Variants in COX10 observed in about 807,000 individuals in gnomAD.
COX10 encodes cytochrome c oxidase assembly factor heme A:farnesyltransferase COX10, also known as protoheme IX farnesyltransferase, mitochondrial.
COX10 carries 27 observed loss-of-function variants against 37.3 expected under a neutral mutation model. The ratio of observed to expected loss-of-function variants is 0.72; its 90% confidence interval spans 0.53 to 1.00. The LOEUF (loss-of-function observed/expected upper bound fraction) is 1.00. Ranked by LOEUF, COX10 falls within the 50% of genes least tolerant of loss-of-function variation. The pLI is 0.00. For synonymous variants in COX10, 222 were observed against 229.1 expected (o/e 0.97, Z 0.28); for missense variants, 475 against 563.2 (o/e 0.84, Z 1.59).
chr17:14,200,139 A>G (rs1906503485), intron 6 of COX10, among the ~76,000 whole-genome samples: 1 of 152,196 alleles, frequency 6.6e-6, no homozygotes, highest in African/African-American at 2.4e-5. Flanking sequence ...AGAGAAAACA[A>G]GCCGAAACCG....
chr17:14,202,769 G>A (rs1357218243), intron 6 of COX10, among the ~76,000 whole-genome samples: 1 of 128,268 alleles, frequency 7.8e-6, no homozygotes, highest in Admixed American at 8.8e-5. Context: ...GTTCCCCCCT[G>A]CGCTGGGGGA....
intron 5 of COX10, among the ~76,000 whole-genome samples, chr17:14,168,178 C>A (rs1378041838): frequency 6.6e-6 from 1 of 152,214 alleles, no homozygotes; most frequent in Non-Finnish European, 1.5e-5. Flanking sequence ...TGTCCGAAAC[C>A]CAAAAGGGCC....
At chr17:14,078,230 G>C (rs1915200456) in intron 3 of COX10, among the ~76,000 whole-genome samples, 1 of 152,062 alleles carries the variant, frequency 6.6e-6, no homozygotes. Flanking sequence ...TTACACAAGT[G>C]GCCTGAGTGT....
intron 3 of COX10, among the ~76,000 whole-genome samples, chr17:14,096,699 T>C (rs1915662530): frequency 6.6e-6 from 1 of 152,166 alleles, no homozygotes; most frequent in South Asian, 2.1e-4. Context: ...TTTTGTTTTG[T>C]TTTTTAAATT....
At chr17:14,099,548 C>G (rs1356073045) in intron 3 of COX10, among the ~76,000 whole-genome samples, 2 of 152,088 alleles carry the variant, frequency 1.3e-5, no homozygotes, top group Non-Finnish European at 2.9e-5. Flanking sequence ...GTTCTGCTTG[C>G]TGTAGCCCCC....
intron 6 of COX10, among the ~76,000 whole-genome samples, chr17:14,193,789 CT>C (rs1906283463): frequency 6.7e-6 from 1 of 149,018 alleles, no homozygotes; most frequent in Non-Finnish European, 1.5e-5. Context: ...CCAATTCCCT[CT>C]CCCCCTTAAC....
chr17:14,076,508 A>G (rs182691467), intron 2 of COX10, among the ~76,000 whole-genome samples: 5 of 152,300 alleles, frequency 3.3e-5, no homozygotes, highest in Non-Finnish European at 5.9e-5. Context: ...TTTCTAAACT[A>G]CAGAAATTGA....
chr17:14,164,593 C>G (rs1224686836), intron 5 of COX10, among the ~76,000 whole-genome samples: 1 of 151,964 alleles, frequency 6.6e-6, no homozygotes, highest in East Asian at 1.9e-4. Flanking sequence ...TTTGATTTTT[C>G]CAGATTTCAT....
chr17:14,149,462 T>C (rs1904826398), intron 4 of COX10, among the ~76,000 whole-genome samples: 1 of 152,154 alleles, frequency 6.6e-6, no homozygotes, highest in African/African-American at 2.4e-5. Flanking sequence ...GAGAAAATAG[T>C]ATATGTGTTT....
intron 3 of COX10, among the ~76,000 whole-genome samples, chr17:14,101,120 C>T (rs144397414): frequency 1.9e-4 from 29 of 152,280 alleles, no homozygotes; most frequent in African/African-American, 6.5e-4. Context: ...AGAACAGACA[C>T]TACTTTGCAA....
intron 4 of COX10, among the ~76,000 whole-genome samples, chr17:14,116,306 C>T (rs1011738139): frequency 6.6e-6 from 1 of 152,058 alleles, no homozygotes; most frequent in South Asian, 2.1e-4. Flanking sequence ...TGCCAGCCAT[C>T]CTGAGTAGCC....
rs547693855 is a variant in COX10 at position 14,158,161 on chromosome 17, C to T, written c.625-1716C>T. Among the ~76,000 whole-genome samples, 3 of 151,104 alleles carry T rather than the reference C, an allele frequency of 2.0e-5. No homozygotes were observed. In the South Asian group the frequency reaches 6.3e-4, roughly 32 times the overall value. On this transcript the variant is annotated intron_variant, in intron 4 of 6. Coordinates refer to ENST00000261643, the MANE Select transcript of COX10 (RefSeq NM_001303.4). ...TTGTGAGTGAAGTGACTATAGTAAC[C>T]TGAAAAGAAGAAAGAAAAAAATAAA...
chr17:14,106,849 A>G (rs1915903731), intron 4 of COX10, among the ~76,000 whole-genome samples: 1 of 152,042 alleles, frequency 6.6e-6, no homozygotes, highest in Non-Finnish European at 1.5e-5. Flanking sequence ...TCTAAGGGCT[A>G]TTGCTGTATA....
chr17:14,122,044 G>C (rs943492480), intron 4 of COX10, among the ~76,000 whole-genome samples: 1 of 152,094 alleles, frequency 6.6e-6, no homozygotes, highest in African/African-American at 2.4e-5. Flanking sequence ...CTAAAGAGTT[G>C]AGATTGGATT....
At chr17:14,070,804 C>T (rs1251963361) in intron 1 of COX10, among the ~76,000 whole-genome samples, 1 of 152,144 alleles carries the variant, frequency 6.6e-6, no homozygotes, top group Non-Finnish European at 1.5e-5. Flanking sequence ...GATTCCAGGG[C>T]AATTCATTTG....
At position 14,188,477 on chromosome 17, in the gene COX10, A is replaced by T. The variant is rs201579945; in HGVS notation, c.696-3512A>T. Among the ~76,000 whole-genome samples the T allele has an allele frequency of 1.6e-3, 241 of 148,586 alleles. 2 individuals are homozygous for T. The highest frequency in any genetic ancestry group is 4.9e-3 in the East Asian group (25 of 5,060). On this transcript the variant is annotated intron_variant, in intron 5 of 6. Coordinates refer to ENST00000261643, the MANE Select transcript of COX10 (RefSeq NM_001303.4). ...AAAATAGAATTAAAAGATAAAAATT[A>T]AAAAAAAAAAACTATTTCTCAACCT... is the stretch of plus-strand genomic sequence containing the variant.
intron 5 of COX10, among the ~76,000 whole-genome samples, chr17:14,167,154 G>A (rs1336557236): frequency 6.6e-6 from 1 of 152,128 alleles, no homozygotes; most frequent in Admixed American, 6.6e-5. Context: ...TAATACTTCA[G>A]TGGAGACAGA....
At chr17:14,166,749 T>A (rs1360164913) in intron 5 of COX10, among the ~76,000 whole-genome samples, 1 of 150,996 alleles carries the variant, frequency 6.6e-6, no homozygotes, top group Non-Finnish European at 1.5e-5. Context: ...GTAGCTGGGA[T>A]TACAGGCATG....
At chr17:14,146,086 T>G (rs1177975236) in intron 4 of COX10, among the ~76,000 whole-genome samples, 1 of 152,142 alleles carries the variant, frequency 6.6e-6, no homozygotes, top group East Asian at 1.9e-4. Flanking sequence ...CATGGTCTTA[T>G]GACATTCTTC....
Sources: allele counts gnomAD v4.1 joint callset (sites outside exome capture counted in the v4.1 genomes callset), GRCh38; gene constraint gnomAD v4.1.1; transcripts MANE v1.5; gene names NCBI Gene and HGNC (gene_info 2026-07-23, HGNC 2026-07-21).